Variants in NHLRC2 observed in about 807,000 individuals in gnomAD.
The protein encoded by NHLRC2 is NHL repeat-containing protein 2.
In NHLRC2, 33 loss-of-function variants were observed where a neutral mutation model predicts 68.1. The observed-to-expected ratio is 0.48, with a 90% confidence interval of 0.37 to 0.65. The LOEUF is 0.65. Among genes scored for constraint, NHLRC2 ranks in the 30% least tolerant of loss-of-function variants. NHLRC2 has a pLI of 0.00. For missense variants in NHLRC2, 761 were observed against 853.8 expected, an observed-to-expected ratio of 0.89 and a Z score of 1.35; for synonymous variants, 311 against 309.6, an observed-to-expected ratio of 1.00 and a Z score of -0.05.
chr10:113,888,455 T>C (rs1846102366), intron 5 of NHLRC2, among the ~76,000 whole-genome samples: 1 of 152,150 alleles, frequency 6.6e-6, no homozygotes, highest in Non-Finnish European at 1.5e-5. Flanking sequence ...AATTAAAAAT[T>C]TGAAAAAGAT....
In NHLRC2 at chr10:113,858,655, A is replaced by T. The variant is rs1047785413; in HGVS notation, c.306A>T (p.Ala102=). The change falls in exon 2 of 11, where the codon GCA becomes GCT. Residue 102 remains alanine, a synonymous_variant. Coordinates refer to ENST00000369301, the MANE Select transcript of NHLRC2 (RefSeq NM_198514.4). ...NCIHLLPDLH[A]LEHTYSDKDG... ...TTCACCTATTGCCTGATCTCCATGC[A>T]TTAGAACACACATACTCTGATAAAG... is the stretch of plus-strand genomic sequence containing the variant. 6.2e-7 allele frequency: 1 copy of T among 1,611,834 alleles called. No homozygotes were observed. Among genetic ancestry groups the T allele is most frequent in the Admixed American group, 1.7e-5 (1 of 60,010 alleles).
intron 2 of NHLRC2, among the ~76,000 whole-genome samples, chr10:113,864,858 AAG>A (rs1162408033): frequency 6.6e-6 from 1 of 152,066 alleles, no homozygotes; most frequent in Non-Finnish European, 1.5e-5. Flanking sequence ...TTAAATATGT[AAG>A]AAATTTTATG....
intron 3 of NHLRC2, among the ~76,000 whole-genome samples, chr10:113,878,947 C>T (rs933391546): frequency 4.6e-5 from 7 of 152,132 alleles, no homozygotes; most frequent in African/African-American, 1.7e-4. Context: ...TGTCTGCTGG[C>T]CATGGAAATA....
At chr10:113,875,063 C>T (rs577274993) in intron 2 of NHLRC2, among the ~76,000 whole-genome samples, 1 of 151,496 alleles carries the variant, frequency 6.6e-6, no homozygotes, top group African/African-American at 2.4e-5. Flanking sequence ...TTGCCCCCTA[C>T]CTTGATAACT....
chr10:113,859,405 A>G (rs1171301375), intron 2 of NHLRC2, among the ~76,000 whole-genome samples: 1 of 152,202 alleles, frequency 6.6e-6, no homozygotes, highest in African/African-American at 2.4e-5. Context: ...GATAAAAAAA[A>G]GAGATAGGGT....
chr10:113,888,768 G>A (rs1345282269), intron 5 of NHLRC2, among the ~76,000 whole-genome samples: 2 of 149,948 alleles, frequency 1.3e-5, no homozygotes, highest in African/African-American at 4.9e-5. Flanking sequence ...GACTCCATTT[G>A]TACCAGACAA....
At chr10:113,893,591 A>T (rs1846151684) in intron 5 of NHLRC2, among the ~76,000 whole-genome samples, 3 of 152,170 alleles carry the variant, frequency 2.0e-5, no homozygotes, top group Admixed American at 6.5e-5. Context: ...CAAACACCTG[A>T]ACCCTGACCT....
In NHLRC2 at chr10:113,912,462, G is replaced by A. The variant is rs1846338039; in HGVS notation, c.*3926G>A. 1.3e-5 allele frequency: 2 copies of A among 152,278 alleles called. No individual in the cohort carries two copies. The highest frequency in any genetic ancestry group is 2.9e-5 in the Non-Finnish European group (2 of 68,024). 9.4% of individuals were successfully genotyped at this position (152,278 alleles called of 1,614,324 possible). On this transcript the variant is annotated 3_prime_UTR_variant, in exon 11 of 11. Transcript: ENST00000369301. ...TAAACAACATTGTAGTTATAAAGAA[G>A]CATGCCTATAGTGTTATTAAAAATT...
Position 113,916,956 on chromosome 10 carries a change from A to G in NHLRC2, c.*8420A>G, listed in dbSNP as rs1454121564. On this transcript the variant is annotated 3_prime_UTR_variant, in exon 11 of 11. Coordinates refer to ENST00000369301, the MANE Select transcript of NHLRC2 (RefSeq NM_198514.4). ...ACAGATTAATATATTTTTGTACAAC[A>G]TTGTATTTCTACATTTATTTCAAGA... 2 of 152,296 alleles carry G rather than the reference A, an allele frequency of 1.3e-5. No individual in the cohort carries two copies. Among genetic ancestry groups the G allele is most frequent in the East Asian group, 3.9e-4 (2 of 5,190 alleles). The allele number at this position is 152,296 out of a possible 1,614,324, so 9.4% of individuals were successfully genotyped here.
intron 4 of NHLRC2, 24 bp downstream of exon 4, chr10:113,879,719 T>G: frequency 7.2e-7 from 1 of 1,394,234 alleles, no homozygotes; most frequent in Non-Finnish European, 9.8e-7. Flanking sequence ...TAAATTTGTT[T>G]TAATACTTAC....
Position 113,899,746 on chromosome 10 carries a change from G to A in NHLRC2, c.1139+1537G>A, listed in dbSNP as rs977226587. Among the ~76,000 whole-genome samples the A allele has an allele frequency of 5.3e-5, 8 of 152,110 alleles. No homozygotes were observed. The South Asian group carries it at 8.3e-4, about 16-fold the overall frequency. ...CAGAATGACAATATGGTGAAACCCC[G>A]TCTCTACTAAAAATAGAAAAAGTTA... On this transcript the variant is annotated intron_variant, in intron 6 of 10. Transcript: ENST00000369301.
At chr10:113,857,236 C>T (rs944951017) in intron 1 of NHLRC2, among the ~76,000 whole-genome samples, 34 of 152,036 alleles carry the variant, frequency 2.2e-4, no homozygotes, top group Non-Finnish European at 4.9e-4. Flanking sequence ...CTGATCTAAG[C>T]CACTCTTGAC....
In NHLRC2 at chr10:113,915,307, A is replaced by G. The variant is rs149997323; in HGVS notation, c.*6771A>G. On this transcript the variant is annotated 3_prime_UTR_variant, in exon 11 of 11. Coordinates refer to ENST00000369301, the MANE Select transcript of NHLRC2 (RefSeq NM_198514.4). ...ACTAAAAAGCACTAAACAAGCACAAATGAACACTAAATAGCCTTATACCAA... is the reference window on the plus strand; with the variant it reads ...ACTAAAAAGCACTAAACAAGCACAAGTGAACACTAAATAGCCTTATACCAA... 1.5e-3 allele frequency: 694 copies of G among 449,406 alleles called. 4 individuals are homozygous for G. The highest frequency in any genetic ancestry group is 0.013 in the African/African-American group (643 of 49,982). 27.8% of individuals were successfully genotyped at this position (449,406 alleles called of 1,614,324 possible).
chr10:113,901,628 C>G, intron 6 of NHLRC2, 38 bp from the exon 7 acceptor site: 1 of 1,274,858 alleles, frequency 7.8e-7, no homozygotes, highest in South Asian at 1.2e-5. Flanking sequence ...ACACAATATA[C>G]CACATGTTGA....
intron 4 of NHLRC2, among the ~76,000 whole-genome samples, chr10:113,883,262 A>G (rs1035055610): frequency 5.9e-5 from 9 of 151,860 alleles, no homozygotes; most frequent in African/African-American, 2.2e-4. Context: ...TGATTTTTAA[A>G]CTTCCTGTTT....
intron 2 of NHLRC2, among the ~76,000 whole-genome samples, chr10:113,861,500 C>T (rs1235834965): frequency 6.6e-6 from 1 of 152,122 alleles, no homozygotes; most frequent in Non-Finnish European, 1.5e-5. Flanking sequence ...GGCAGTGGGC[C>T]AATATATTCA....
At chr10:113,904,667 G>A in intron 9 of NHLRC2, 150 bp from the exon 10 acceptor site, 1 of 607,900 alleles carries the variant, frequency 1.6e-6, no homozygotes, top group Non-Finnish European at 2.8e-6. Context: ...TAATCTTGAG[G>A]GCATCTAACA....
In NHLRC2 at chr10:113,858,544, C is replaced by T. The variant is rs758006169; in HGVS notation, c.195C>T (p.Asn65=). ...AAATTTCAGGATTAGAATGGCTGAA[C>T]ACAGAAGAACCTATTTCTGTCTACA... ...PEFPEGLEWL[N]TEEPISVYKD... is the part of the protein sequence containing the mutation. The change falls in exon 2 of 11, where the codon AAC becomes AAT. Residue 65 remains asparagine (N), a synonymous_variant. Transcript: ENST00000369301. 6.2e-7 allele frequency: 1 copy of T among 1,602,794 alleles called. No individual in the cohort carries two copies. The highest frequency in any genetic ancestry group is 8.5e-7 in the Non-Finnish European group (1 of 1,171,106).
chr10:113,897,106 GT>G, intron 5 of NHLRC2, among the ~76,000 whole-genome samples: 1 of 152,062 alleles, frequency 6.6e-6, no homozygotes, highest in African/African-American at 2.4e-5. Flanking sequence ...GGCTTTCCAT[GT>G]TTTTATTTCT....
Sources: gnomAD v4.1 joint callset for allele counts (sites outside exome capture counted in the v4.1 genomes callset) on GRCh38, gnomAD v4.1.1 for gene constraint, MANE v1.5 for transcripts, NCBI Gene and HGNC (gene_info 2026-07-23, HGNC 2026-07-21) for gene names.